The following RAG1 variants were observed in gnomAD, a reference collection of about 807,000 sequenced individuals.
The protein encoded by RAG1 is recombination activating 1, also known as V(D)J recombination-activating protein 1.
In RAG1, 35 loss-of-function variants were observed where a neutral mutation model predicts 62.7. The observed-to-expected ratio is 0.56, with a 90% CI of 0.43 to 0.74. The LOEUF (loss-of-function observed/expected upper bound fraction) is 0.74, where lower values mean the gene tolerates loss of function less well. RAG1 is among the 30% of genes least tolerant of loss of function. RAG1 has a pLI of 0.00. For synonymous variants in RAG1, 461 were observed against 470.3 expected (o/e 0.98, Z 0.26); for missense variants, 1,169 against 1,278.6 (o/e 0.91, Z 1.31).
At chr11:36,510,432 C>T (rs1859900396), upstream of RAG1, 1 of 152,398 alleles carries the variant, frequency 6.6e-6, no homozygotes, top group African/African-American at 2.4e-5. Flanking sequence ...TCGGGTGTCC[C>T]ACCTGGGAAT....
In RAG1 at chr11:36,524,645, C is replaced by T. The variant is rs1056027651; in HGVS notation, n.428+4416C>T. Among the ~76,000 whole-genome samples the T allele has an allele frequency of 5.9e-5, 9 of 152,158 alleles. No homozygotes were observed. In the South Asian group the frequency reaches 1.0e-3, roughly 18 times the overall value. On this transcript the variant is annotated intron_variant and non_coding_transcript_variant, in intron 2 of 2. Coordinates refer to the RAG1 transcript ENST00000529126. ...CTGGGAATACATGCACACACCACCA[C>T]ATCTGGCTATTTTTTGTAATTTTTG...
rs559206068 is a variant in RAG1 at position 36,557,583 on chromosome 11, C to T, written c.-411-5802C>T. Among the ~76,000 whole-genome samples, 5 of 152,154 alleles carry T rather than the reference C, an allele frequency of 3.3e-5. No individual in the cohort carries two copies. In the South Asian group the frequency reaches 6.2e-4, roughly 19 times the overall value. ...AATCACCCGTCTTCTGCGTCGCTCA[C>T]GCTGGGAGCTGTAGACCGGAGCTGT... On this transcript the variant is annotated intron_variant and NMD_transcript_variant, in intron 3 of 9. Transcript: ENST00000534663.
chr11:36,519,538 T>G (rs1860046246), intron 1 of RAG1, among the ~76,000 whole-genome samples: 1 of 152,250 alleles, frequency 6.6e-6, no homozygotes, highest in Non-Finnish European at 1.5e-5. Flanking sequence ...AACATTAGGT[T>G]ATTTCTTCTA....
chr11:36,572,249 A>G (rs553116244), intron 1 of RAG1, among the ~76,000 whole-genome samples: 4 of 152,322 alleles, frequency 2.6e-5, no homozygotes, highest in East Asian at 3.9e-4. Flanking sequence ...TCTCTTTCCA[A>G]TCATGTACTA....
chr11:36,569,999 C>A lies in RAG1; in HGVS notation c.-15+1877C>A, dbSNP rs538932801. Among the ~76,000 whole-genome samples the A allele has an allele frequency of 3.9e-5, 6 of 152,254 alleles. No homozygotes were observed. The South Asian group carries it at 1.2e-3, about 32-fold the overall frequency. ...CAGTGCATACAGAAAATTAAATTTT[C>A]TGCATGGTTTTCCACTGTATGTCTG... On this transcript the variant is annotated intron_variant, in intron 1 of 1. Coordinates refer to ENST00000299440, the MANE Select transcript of RAG1 (RefSeq NM_000448.3).
intron 3 of RAG1, among the ~76,000 whole-genome samples, chr11:36,558,031 TATTGTG>T (rs1850528608): frequency 1.3e-5 from 2 of 152,248 alleles, no homozygotes; most frequent in Non-Finnish European, 2.9e-5. Context: ...GGCTTTGGTA[TATTGTG>T]TTTCTATTTT....
intron 3 of RAG1, among the ~76,000 whole-genome samples, chr11:36,547,805 T>C (rs2133270920): frequency 6.6e-6 from 1 of 152,194 alleles, no homozygotes; most frequent in African/African-American, 2.4e-5. Flanking sequence ...TACCAAAACC[T>C]GACAGAGACT....
intron 2 of RAG1, among the ~76,000 whole-genome samples, chr11:36,522,387 G>T (rs1427481663): frequency 6.6e-6 from 1 of 152,226 alleles, no homozygotes; most frequent in Non-Finnish European, 1.5e-5. Context: ...CCAAGCCTTG[G>T]CAACTTCCAT....
At chr11:36,570,649 A>G (rs1435967544) in intron 1 of RAG1, among the ~76,000 whole-genome samples, 1 of 152,158 alleles carries the variant, frequency 6.6e-6, no homozygotes, top group Non-Finnish European at 1.5e-5. Context: ...CTGTGTATGA[A>G]GGTTCCCTTT....
intron 3 of RAG1, among the ~76,000 whole-genome samples, chr11:36,562,287 T>C (rs1269038333): frequency 2.0e-5 from 3 of 151,880 alleles, no homozygotes; most frequent in Non-Finnish European, 4.4e-5. Flanking sequence ...GTAAGAGGAG[T>C]GGATTTTGGA....
chr11:36,516,098 G>A (rs1859991629), intron 1 of RAG1, among the ~76,000 whole-genome samples: 1 of 152,130 alleles, frequency 6.6e-6, no homozygotes, highest in Non-Finnish European at 1.5e-5. Flanking sequence ...TAATTTTGCC[G>A]CTGTTCATCA....
chr11:36,535,559 C>G (rs1197961240), intron 2 of RAG1, among the ~76,000 whole-genome samples: 2 of 152,092 alleles, frequency 1.3e-5, no homozygotes, highest in Non-Finnish European at 2.9e-5. Flanking sequence ...GCCTGGCCAA[C>G]ATGGTGAAAC....
At chr11:36,547,641 C>T (rs899580757) in intron 3 of RAG1, among the ~76,000 whole-genome samples, 5 of 152,094 alleles carry the variant, frequency 3.3e-5, no homozygotes, top group African/African-American at 1.2e-4. Flanking sequence ...TTATAGCCTA[C>T]CAACCAAAAA....
At chr11:36,542,724 G>T (rs1434014864) in intron 3 of RAG1, among the ~76,000 whole-genome samples, 4 of 152,204 alleles carry the variant, frequency 2.6e-5, no homozygotes, top group Non-Finnish European at 5.9e-5. Flanking sequence ...ATATGAACTA[G>T]CCGTGCCACA....
rs566353239 is a variant in RAG1 at position 36,579,464 on chromosome 11, A to C, written c.*3028A>C. On this transcript the variant is annotated 3_prime_UTR_variant, in exon 2 of 2. Transcript: ENST00000299440. Reference sequence around the variant, plus strand: ...TATACCTCAGAAATCATTTTTGGTGATTATTTTTTGTTTTGTAGAATTGCA... The same window carrying C: ...TATACCTCAGAAATCATTTTTGGTGCTTATTTTTTGTTTTGTAGAATTGCA... 1.2e-5 allele frequency: 2 copies of C among 166,702 alleles called. No individual in the cohort carries two copies. The highest frequency in any genetic ancestry group is 4.2e-4 in the South Asian group (2 of 4,818). The allele number at this position is 166,702 out of a possible 1,614,324, so 10.3% of individuals were successfully genotyped here. A position where few individuals can be genotyped will look rare whatever the true frequency, so the allele number is the denominator to read the frequency against.
intron 1 of RAG1, among the ~76,000 whole-genome samples, chr11:36,518,667 A>T (rs1353001108): frequency 6.6e-6 from 1 of 152,114 alleles, no homozygotes; most frequent in African/African-American, 2.4e-5. Flanking sequence ...TCATATCCTT[A>T]GCCCACTTTT....
chr11:36,532,346 A>G (rs1339612897), intron 2 of RAG1, among the ~76,000 whole-genome samples: 1 of 152,080 alleles, frequency 6.6e-6, no homozygotes, highest in Non-Finnish European at 1.5e-5. Context: ...TGTTAATTTT[A>G]TGTTGATCAT....
chr11:36,540,028 T>TG (rs1860391437), downstream of RAG1, among the ~76,000 whole-genome samples: 1 of 152,226 alleles, frequency 6.6e-6, no homozygotes. Flanking sequence ...CAGGTTATTG[T>TG]GTTCTATAAT....
chr11:36,545,594 A>G (rs553668278), intron 3 of RAG1, among the ~76,000 whole-genome samples: 13 of 152,320 alleles, frequency 8.5e-5, no homozygotes, highest in African/African-American at 3.1e-4. Flanking sequence ...CTAGAAGACA[A>G]ACAGTGAATA....
Sources: allele counts gnomAD v4.1 joint callset (sites outside exome capture counted in the v4.1 genomes callset), GRCh38; gene constraint gnomAD v4.1.1; transcripts MANE v1.5; gene names NCBI Gene and HGNC (gene_info 2026-07-23, HGNC 2026-07-21).